Variants in PALLD observed in about 807,000 individuals in gnomAD.
PALLD encodes the protein palladin.
Under a neutral mutation model 123.5 loss-of-function variants are expected in PALLD, and 61 were observed. The observed-to-expected ratio is 0.49, with a 90% confidence interval of 0.40 to 0.61. The LOEUF is 0.61. PALLD is among the 20% of genes least tolerant of loss of function. The pLI is 0.00. For missense variants in PALLD, 1,273 were observed against 1,377.0 expected, an observed-to-expected ratio of 0.92 and a Z score of 1.20; for synonymous variants, 465 against 496.4, an observed-to-expected ratio of 0.94 and a Z score of 0.84.
chr4:168,540,581 C>A (rs949721645), intron 2 of PALLD, among the ~76,000 whole-genome samples: 1 of 151,828 alleles, frequency 6.6e-6, no homozygotes, highest in Non-Finnish European at 1.5e-5. Flanking sequence ...TTTCAGTTTG[C>A]GCATTTTTTT....
chr4:168,554,432 A>T (rs1767064337), intron 2 of PALLD, among the ~76,000 whole-genome samples: 1 of 152,196 alleles, frequency 6.6e-6, no homozygotes, highest in African/African-American at 2.4e-5. Flanking sequence ...TAACGGGGAG[A>T]AATTTGTAGA....
At chr4:168,685,275 C>CT in intron 5 of PALLD, among the ~76,000 whole-genome samples, 4 of 152,176 alleles carry the variant, frequency 2.6e-5, no homozygotes, top group Non-Finnish European at 5.9e-5. Flanking sequence ...CCTTGAATAT[C>CT]CTTTTGAACA....
intron 10 of PALLD, 71 bp downstream of exon 10, chr4:168,711,994 A>G: frequency 1.4e-6 from 2 of 1,384,932 alleles, no homozygotes; most frequent in South Asian, 2.4e-5. Flanking sequence ...TGAGAAAAAA[A>G]CTTTTGCCTG....
At chr4:168,651,593 C>T (rs558183565) in intron 2 of PALLD, among the ~76,000 whole-genome samples, 30 of 152,028 alleles carry the variant, frequency 2.0e-4, no homozygotes, top group South Asian at 1.5e-3. Context: ...TTTTCCCCCC[C>T]GCAAGGTTAG....
chr4:168,898,748 T>C (rs1369883850), intron 14 of PALLD, 34 bp downstream of exon 14: 20 of 1,405,580 alleles, frequency 1.4e-5, no homozygotes, highest in Non-Finnish European at 1.9e-5. Context: ...TTAAGAGTCA[T>C]TCTCTGAGGA....
chr4:168,867,979 T>C (rs1750549651), intron 10 of PALLD, among the ~76,000 whole-genome samples: 1 of 151,170 alleles, frequency 6.6e-6, no homozygotes, highest in Non-Finnish European at 1.5e-5. Context: ...GCGGCTAAAA[T>C]AGTATTCCAA....
chr4:168,593,549 T>C (rs1325193457), intron 2 of PALLD, among the ~76,000 whole-genome samples: 1 of 152,160 alleles, frequency 6.6e-6, no homozygotes, highest in East Asian at 1.9e-4. Flanking sequence ...CACCCACCTG[T>C]CTTGGCAAGT....
chr4:168,881,607 A>G (rs1752618547), intron 10 of PALLD, among the ~76,000 whole-genome samples: 1 of 151,824 alleles, frequency 6.6e-6, no homozygotes, highest in Admixed American at 6.5e-5. Flanking sequence ...CCCCAAATTT[A>G]CTGGGGTCAC....
chr4:168,878,525 T>C (rs905123810), intron 10 of PALLD: 2 of 604,186 alleles, frequency 3.3e-6, no homozygotes, highest in South Asian at 3.1e-5. Flanking sequence ...CACACATTTC[T>C]CTCCGTGCGA....
intron 2 of PALLD, among the ~76,000 whole-genome samples, chr4:168,533,795 G>T (rs1764833098): frequency 6.6e-6 from 1 of 152,154 alleles, no homozygotes; most frequent in Non-Finnish European, 1.5e-5. Context: ...AGCCAGTGCT[G>T]CGGGAGAAGG....
chr4:168,560,489 T>G (rs1229524958), intron 2 of PALLD, among the ~76,000 whole-genome samples: 1 of 152,222 alleles, frequency 6.6e-6, no homozygotes, highest in African/African-American at 2.4e-5. Context: ...TTTTGAAACT[T>G]TCTCTTAAAA....
At chr4:168,878,434 G>A in intron 10 of PALLD, 1 of 1,413,206 alleles carries the variant, frequency 7.1e-7, no homozygotes, top group Non-Finnish European at 9.3e-7. Flanking sequence ...CTGCCCCTCC[G>A]CCTCGGGTCG....
chr4:168,804,522 G>A (rs1419470868), intron 10 of PALLD, among the ~76,000 whole-genome samples: 1 of 152,168 alleles, frequency 6.6e-6, no homozygotes, highest in East Asian at 1.9e-4. Flanking sequence ...GATGTTTCTG[G>A]CTCATGGTGA....
chr4:168,615,770 A>G (rs1184077418), intron 2 of PALLD, among the ~76,000 whole-genome samples: 3 of 152,148 alleles, frequency 2.0e-5, no homozygotes, highest in African/African-American at 7.2e-5. Flanking sequence ...AATGAAGGGT[A>G]ACCATTCCGA....
rs558188013 is a variant in PALLD at position 168,691,755 on chromosome 4, T to C, written c.1501+463T>C. On this transcript the variant is annotated intron_variant, in intron 8 of 21. Transcript: ENST00000505667. ...TGGACCCCCAGGTGTTTCTCATTTG[T>C]GTGCCCTGAGCCATAAACTTTTACT... Among the ~76,000 whole-genome samples, 3 of 152,284 alleles carry C rather than the reference T, an allele frequency of 2.0e-5. No individual in the cohort carries two copies. In the East Asian group the frequency reaches 5.8e-4, roughly 30 times the overall value.
intron 10 of PALLD, among the ~76,000 whole-genome samples, chr4:168,824,837 T>G (rs1300620082): frequency 6.7e-6 from 1 of 149,198 alleles, no homozygotes; most frequent in African/African-American, 2.5e-5. Flanking sequence ...TTTTTTTTTT[T>G]TTGAGACAAG....
Position 168,915,974 on chromosome 4 carries a change from G to A in PALLD, c.2797G>A (p.Ala933Thr), listed in dbSNP as rs755556663. 3 of 1,613,420 alleles carry A rather than the reference G, an allele frequency of 1.9e-6. No homozygotes were observed. In the African/African-American group the frequency reaches 4.0e-5, roughly 22 times the overall value. ...ATTCTTCAGACCTCACTTCTTGCAG[G>A]CTCCTGGAGATCTGACTGTTCAAGA... ...ERFFRPHFLQ[A>T]PGDLTVQEGK... Residue 933 changes from alanine (A) to threonine (T), a missense_variant, in exon 17 of 22, where the codon GCT becomes ACT. Physicochemically the swap from Ala to Thr is moderately conservative, Grantham distance 58 (BLOSUM62 0). Coordinates refer to ENST00000505667, the MANE Select transcript of PALLD (RefSeq NM_001166108.2).
chr4:168,923,202 T>C (rs1236882308), intron 18 of PALLD, among the ~76,000 whole-genome samples: 3 of 152,252 alleles, frequency 2.0e-5, no homozygotes, highest in Non-Finnish European at 4.4e-5. Flanking sequence ...AGTGAGCTTC[T>C]GTTCCCACTT....
At chr4:168,872,383 T>C (rs1437578049) in intron 10 of PALLD, among the ~76,000 whole-genome samples, 1 of 152,208 alleles carries the variant, frequency 6.6e-6, no homozygotes, top group Non-Finnish European at 1.5e-5. Context: ...CAGTTCTGGC[T>C]TTGTTTGGAA....
Sources: allele counts gnomAD v4.1 joint callset (sites outside exome capture counted in the v4.1 genomes callset), GRCh38; gene constraint gnomAD v4.1.1; transcripts MANE v1.5; gene names NCBI Gene and HGNC (gene_info 2026-07-23, HGNC 2026-07-21).